The following MYO5A variants were observed in gnomAD, a reference collection of about 807,000 sequenced individuals.
MYO5A encodes the protein unconventional myosin-Va.
In MYO5A, 98 loss-of-function variants were observed where a neutral mutation model predicts 249.7. That is an observed-to-expected ratio of 0.39 (90% CI 0.33 to 0.46). The LOEUF is 0.46. Among genes scored for constraint, MYO5A ranks in the 20% least tolerant of loss-of-function variants. The pLI is 0.98. For missense variants in MYO5A, 1,696 were observed against 2,308.8 expected, an observed-to-expected ratio of 0.73 and a Z score of 5.44; for synonymous variants, 778 against 810.6, an observed-to-expected ratio of 0.96 and a Z score of 0.68.
At chr15:52,398,042 C>T (rs2042565654) in intron 9 of MYO5A, among the ~76,000 whole-genome samples, 1 of 152,144 alleles carries the variant, frequency 6.6e-6, no homozygotes, top group Non-Finnish European at 1.5e-5. Flanking sequence ...GCCAAGGAAA[C>T]AGCTGGCAAA....
chr15:52,445,951 G>A (rs1200961983), intron 1 of MYO5A, among the ~76,000 whole-genome samples: 2 of 152,248 alleles, frequency 1.3e-5, no homozygotes, highest in African/African-American at 2.4e-5. Flanking sequence ...ATTTAAGCAG[G>A]AAGCAGAGCA....
chr15:52,337,275 C>T (rs912168559), intron 33 of MYO5A, among the ~76,000 whole-genome samples: 18 of 152,080 alleles, frequency 1.2e-4, no homozygotes, highest in Non-Finnish European at 1.9e-4. Context: ...AAAAAAAGTC[C>T]ATGATTATTG....
chr15:52,430,730 CTGGT>C (rs1595668558), intron 2 of MYO5A, among the ~76,000 whole-genome samples: 1 of 152,112 alleles, frequency 6.6e-6, no homozygotes, highest in African/African-American at 2.4e-5. Context: ...ACACTGTACT[CTGGT>C]TGGCAAATCT....
intron 1 of MYO5A, chr15:52,437,939 C>T (rs1180274020): frequency 6.9e-6 from 5 of 728,770 alleles, no homozygotes; most frequent in Non-Finnish European, 8.4e-6. Context: ...CACTGAACAC[C>T]ACCCTGATAA....
chr15:52,449,264 C>T (rs373107115), intron 1 of MYO5A, among the ~76,000 whole-genome samples: 52 of 152,184 alleles, frequency 3.4e-4, no homozygotes, highest in African/African-American at 1.0e-3. Context: ...CCACTGCGCC[C>T]GGCCTCAGGT....
intron 1 of MYO5A, among the ~76,000 whole-genome samples, chr15:52,478,501 G>A (rs911589430): frequency 3.9e-5 from 6 of 152,252 alleles, no homozygotes; most frequent in East Asian, 1.9e-4. Context: ...CTTCTGCGTC[G>A]CTCATGCTGG....
At chr15:52,335,692 T>TCCA (rs1567029696) in intron 34 of MYO5A, among the ~76,000 whole-genome samples, 2 of 152,170 alleles carry the variant, frequency 1.3e-5, no homozygotes, top group African/African-American at 4.8e-5. Context: ...AAGGAATTTT[T>TCCA]TCATCATCAT....
In MYO5A at chr15:52,351,396, T is replaced by G. The variant is rs2039945011; in HGVS notation, c.3707A>C (p.Glu1236Ala). ...RKALSEKSAPEVTAPGAPAYR... is the reference protein window; with the variant it reads ...RKALSEKSAPAVTAPGAPAYR... ...GGCAGGTGCACCTGGGGCGGTCACC[T>G]CTGGGGCACTTTTCTCACTGAGGGC... The change falls in exon 28 of 42, where the codon GAG becomes GCG. Residue 1236 changes from glutamate to alanine, a missense_variant. Physicochemically the swap from Glu to Ala is moderately radical, Grantham distance 107. This residue lies in a region of MYO5A where 625 missense variants were observed against 908.1 expected (regional missense o/e 0.69). Coordinates refer to ENST00000399233, the MANE Select transcript of MYO5A (RefSeq NM_001382347.1). 6.2e-7 allele frequency: 1 copy of G among 1,614,092 alleles called. No individual in the cohort carries two copies. The highest frequency in any genetic ancestry group is 1.3e-5 in the African/African-American group (1 of 74,934).
chr15:52,488,561 A>G (rs1595778135), intron 1 of MYO5A, among the ~76,000 whole-genome samples: 1 of 152,342 alleles, frequency 6.6e-6, no homozygotes, highest in East Asian at 1.9e-4. Context: ...ACCATAAAGT[A>G]CATAGAAAGG....
Position 52,416,303 on chromosome 15 carries a change from T to C in MYO5A, c.456-2A>G, listed in dbSNP as rs2043480070. ...ATGATGGACTGATTTCGTTCATCTC[T>C]GTAAAATAAAAATTTTTTAAAAAGT... On this transcript the variant is annotated splice_acceptor_variant, in intron 4 of 41. Coordinates refer to ENST00000399233, the MANE Select transcript of MYO5A (RefSeq NM_001382347.1). LOFTEE classifies it high-confidence loss of function. 1 of 1,613,704 alleles carries C rather than the reference T, an allele frequency of 6.2e-7. No homozygotes were observed. Among genetic ancestry groups the C allele is most frequent in the Non-Finnish European group, 8.5e-7 (1 of 1,179,850 alleles).
chr15:52,474,310 A>G (rs1259485640), intron 1 of MYO5A, among the ~76,000 whole-genome samples: 1 of 152,172 alleles, frequency 6.6e-6, no homozygotes, highest in Non-Finnish European at 1.5e-5. Context: ...GGGTTTTCTA[A>G]ATATACAATC....
At chr15:52,333,032 A>G (rs1596304149) in intron 34 of MYO5A, among the ~76,000 whole-genome samples, 1 of 152,310 alleles carries the variant, frequency 6.6e-6, no homozygotes, top group East Asian at 1.9e-4. Flanking sequence ...CCATGTAAGA[A>G]CACAGAGTTC....
intron 40 of MYO5A, 55 bp downstream of exon 40, chr15:52,316,993 A>G: frequency 1.3e-6 from 2 of 1,569,678 alleles, no homozygotes; most frequent in Admixed American, 1.7e-5. Flanking sequence ...TTACTTCCCT[A>G]AAGATCATCT....
In MYO5A at chr15:52,327,935, G is replaced by A. The variant is rs373213667; in HGVS notation, c.4627C>T (p.Arg1543Ter). The change falls in exon 36 of 42, where the codon CGA (arginine) becomes TGA (stop). Residue 1543 changes from arginine to a stop codon, truncating the protein, a stop_gained. Coordinates refer to ENST00000399233, the MANE Select transcript of MYO5A (RefSeq NM_001382347.1). LOFTEE classifies it high-confidence loss of function. ...TCATCATTCAGGTAGTCAGCATGTC[G>A]AACACACATGAACAGGATATATGCC... ...LPAYILFMCV[R>*]HADYLNDDQK... is the part of the protein sequence containing the mutation. 1 of 1,612,878 alleles carries A rather than the reference G, an allele frequency of 6.2e-7. No individual in the cohort carries two copies. The highest frequency in any genetic ancestry group is 8.5e-7 in the Non-Finnish European group (1 of 1,179,016).
chr15:52,501,126 G>T (rs1815175), intron 1 of MYO5A, among the ~76,000 whole-genome samples: 22,814 of 151,742 alleles, frequency 0.15, 1,823 homozygotes, highest in Middle Eastern at 0.22. Flanking sequence ...CCTCCCACCA[G>T]GCCCGGCTAA....
chr15:52,348,693 A>T, intron 29 of MYO5A, 125 bp downstream of exon 29: 1 of 890,850 alleles, frequency 1.1e-6, no homozygotes, highest in Non-Finnish European at 1.7e-6. Context: ...AAATTCACTT[A>T]CAAATTCAAA....
intron 9 of MYO5A, among the ~76,000 whole-genome samples, chr15:52,398,715 G>A (rs375906524): frequency 9.2e-5 from 14 of 152,224 alleles, no homozygotes; most frequent in Non-Finnish European, 1.9e-4. Flanking sequence ...CAGGCTGGGC[G>A]TGGTGGCTCA....
At chr15:52,331,674 A>ACT (rs2038895185) in intron 34 of MYO5A, 19 of 985,312 alleles carry the variant, frequency 1.9e-5, no homozygotes, top group Non-Finnish European at 2.3e-5. Context: ...CCACAGGAAG[A>ACT]GGTTATCACA....
chr15:52,488,652 G>T (rs900166325), intron 1 of MYO5A, among the ~76,000 whole-genome samples: 4 of 152,104 alleles, frequency 2.6e-5, no homozygotes, highest in African/African-American at 9.7e-5. Flanking sequence ...AAATGGTTGT[G>T]ATTTGCCTTA....
Sources: allele counts gnomAD v4.1 joint callset (sites outside exome capture counted in the v4.1 genomes callset), GRCh38; gene constraint gnomAD v4.1.1; regional missense constraint gnomAD v4.1.1; transcripts MANE v1.5; gene names NCBI Gene and HGNC (gene_info 2026-07-23, HGNC 2026-07-21).